The following MYO5A variants were observed in gnomAD, a reference collection of about 807,000 sequenced individuals.
The protein encoded by MYO5A is myosin VA.
Under a neutral mutation model 249.7 loss-of-function variants are expected in MYO5A, and 98 were observed. The ratio of observed to expected loss-of-function variants is 0.39; its 90% CI spans 0.33 to 0.46. The LOEUF (loss-of-function observed/expected upper bound fraction) is 0.46, where lower values mean the gene tolerates loss of function less well. Ranked by LOEUF, MYO5A falls within the 20% of genes least tolerant of loss-of-function variation. The pLI, the probability that MYO5A is intolerant of heterozygous loss-of-function variation, is 0.98. For missense variants in MYO5A, 1,696 were observed against 2,308.8 expected, an observed-to-expected ratio of 0.73 and a Z score of 5.44; for synonymous variants, 778 against 810.6, an observed-to-expected ratio of 0.96 and a Z score of 0.68.
At chr15:52,487,996 C>T (rs2076859563) in intron 1 of MYO5A, among the ~76,000 whole-genome samples, 1 of 151,962 alleles carries the variant, frequency 6.6e-6, no homozygotes, top group Non-Finnish European at 1.5e-5. Context: ...CTGGGTGAGG[C>T]CTCTGATTAT....
At chr15:52,520,562 C>T (rs28578651) in intron 1 of MYO5A, among the ~76,000 whole-genome samples, 2,603 of 152,292 alleles carry the variant, frequency 0.017, 46 homozygotes, top group African/African-American at 0.048. Context: ...CATGTCTGAG[C>T]CTTGATTCCA....
chr15:52,400,013 A>G (rs1348516867), intron 9 of MYO5A, among the ~76,000 whole-genome samples: 3 of 152,176 alleles, frequency 2.0e-5, no homozygotes, highest in African/African-American at 4.8e-5. Flanking sequence ...GTAGTATTCC[A>G]TGGTTATATC....
intron 2 of MYO5A, among the ~76,000 whole-genome samples, chr15:52,430,065 T>A (rs1321963587): frequency 1.3e-5 from 2 of 152,366 alleles, no homozygotes; most frequent in African/African-American, 4.8e-5. Flanking sequence ...AAGCCAGTTA[T>A]GGTAATACTA....
Position 52,326,671 on chromosome 15 carries a change from G to A in MYO5A, c.4710+1181C>T, listed in dbSNP as rs567856347. ...ACAATGTGAACACACTTAATGCCAC[G>A]TAACTGTACACTTAAAAATGGTGAA... is the stretch of plus-strand genomic sequence containing the variant. On this transcript the variant is annotated intron_variant, in intron 36 of 41. Transcript: ENST00000399233. Among the ~76,000 whole-genome samples, 39 of 152,292 alleles carry A rather than the reference G, an allele frequency of 2.6e-4. 1 individual carries two copies. The South Asian group carries it at 7.5e-3, about 29-fold the overall frequency.
intron 5 of MYO5A, among the ~76,000 whole-genome samples, chr15:52,410,736 C>T (rs1306938597): frequency 6.6e-6 from 1 of 152,056 alleles, no homozygotes; most frequent in South Asian, 2.1e-4. Context: ...TGCCACCACG[C>T]CCAGCTAATT....
At chr15:52,482,638 T>C (rs2076737766) in intron 1 of MYO5A, among the ~76,000 whole-genome samples, 1 of 152,168 alleles carries the variant, frequency 6.6e-6, no homozygotes, top group Non-Finnish European at 1.5e-5. Context: ...TAATTTCCTG[T>C]TCATAATTTT....
At chr15:52,408,672 A>G (rs768805232) in intron 6 of MYO5A, among the ~76,000 whole-genome samples, 1 of 152,230 alleles carries the variant, frequency 6.6e-6, no homozygotes, top group Non-Finnish European at 1.5e-5. Flanking sequence ...TAAATCACAT[A>G]TAAATTCTAA....
intron 1 of MYO5A, among the ~76,000 whole-genome samples, chr15:52,471,373 G>C (rs1026381947): frequency 6.6e-6 from 1 of 152,178 alleles, no homozygotes; most frequent in Non-Finnish European, 1.5e-5. Flanking sequence ...AGAGACCAAG[G>C]TGGGAGGATC....
chr15:52,518,779 T>C (rs559965320), intron 1 of MYO5A, among the ~76,000 whole-genome samples: 2 of 152,338 alleles, frequency 1.3e-5, no homozygotes, highest in Non-Finnish European at 2.9e-5. Context: ...CAAAAGTGTT[T>C]GTTTGAAACA....
In MYO5A at chr15:52,375,425, G is replaced by A; in HGVS notation, c.2456C>T (p.Thr819Ile). ...CATGCGCCAGTACTTTTGAATGATG[G>A]TTGCTGCCTTGGTTCTGCGCAGAAA... The part of the protein sequence containing the change: ...AKFLRRTKAA[T>I]IIQKYWRMYV... The change falls in exon 20 of 42, where the codon ACC becomes ATC. Residue 819 changes from threonine to isoleucine, a missense_variant. Coordinates refer to ENST00000399233, the MANE Select transcript of MYO5A (RefSeq NM_001382347.1). 13 of 1,614,150 alleles carry A rather than the reference G, an allele frequency of 8.1e-6. No homozygotes were observed. The highest frequency in any genetic ancestry group is 1.1e-5 in the Non-Finnish European group (13 of 1,180,018).
chr15:52,498,688 C>A (rs899064873), intron 1 of MYO5A, among the ~76,000 whole-genome samples: 4 of 152,118 alleles, frequency 2.6e-5, no homozygotes, highest in Non-Finnish European at 5.9e-5. Context: ...TGATATTGAG[C>A]CCTGAACCAA....
At chr15:52,487,308 CA>C (rs1248746854) in intron 1 of MYO5A, among the ~76,000 whole-genome samples, 2 of 151,952 alleles carry the variant, frequency 1.3e-5, no homozygotes, top group African/African-American at 2.4e-5. Flanking sequence ...TCCAGCTACT[CA>C]GGGGGCTGAG....
At chr15:52,479,884 C>T (rs2076680146) in intron 1 of MYO5A, among the ~76,000 whole-genome samples, 1 of 152,182 alleles carries the variant, frequency 6.6e-6, no homozygotes, top group South Asian at 2.1e-4. Flanking sequence ...TGAGTCTGGC[C>T]TTGCTCTGGG....
At chr15:52,326,781 G>T (rs1346270872) in intron 36 of MYO5A, among the ~76,000 whole-genome samples, 1 of 152,082 alleles carries the variant, frequency 6.6e-6, no homozygotes, top group African/African-American at 2.4e-5. Flanking sequence ...GAGTCCACTG[G>T]CATGTTGACT....
At chr15:52,405,101 C>A (rs1325026000) in intron 9 of MYO5A, among the ~76,000 whole-genome samples, 186 bp downstream of exon 9, 1 of 148,540 alleles carries the variant, frequency 6.7e-6, no homozygotes, top group South Asian at 2.2e-4. Context: ...TCACTATGCA[C>A]CAGAGATTAG....
chr15:52,328,763 C>T (rs1047332021), intron 35 of MYO5A, among the ~76,000 whole-genome samples: 6 of 152,238 alleles, frequency 3.9e-5, no homozygotes, highest in African/African-American at 1.2e-4. Context: ...AGCATAGGAT[C>T]TGGCCCTATT....
intron 25 of MYO5A, among the ~76,000 whole-genome samples, chr15:52,358,153 G>A (rs1026129333): frequency 6.6e-6 from 1 of 152,162 alleles, no homozygotes; most frequent in Non-Finnish European, 1.5e-5. Context: ...AGCGTGGGAG[G>A]GCTGCAAAAC....
At chr15:52,491,164 C>T (rs905357033) in intron 1 of MYO5A, among the ~76,000 whole-genome samples, 11 of 152,120 alleles carry the variant, frequency 7.2e-5, no homozygotes, top group East Asian at 1.9e-4. Flanking sequence ...ATTTATTAAA[C>T]GCCCAACCAT....
At chr15:52,482,819 A>G (rs1307467678) in intron 1 of MYO5A, among the ~76,000 whole-genome samples, 1 of 152,108 alleles carries the variant, frequency 6.6e-6, no homozygotes, top group Non-Finnish European at 1.5e-5. Context: ...CTTGGCCCTA[A>G]ATAGTGACTC....
Sources: allele counts gnomAD v4.1 joint callset (sites outside exome capture counted in the v4.1 genomes callset), GRCh38; gene constraint gnomAD v4.1.1; transcripts MANE v1.5; gene names NCBI Gene and HGNC (gene_info 2026-07-23, HGNC 2026-07-21).